The following IFT88 variants were observed in gnomAD, a reference collection of about 807,000 sequenced individuals.
IFT88 encodes intraflagellar transport protein 88 homolog.
Under a neutral mutation model 119.5 loss-of-function variants are expected in IFT88, and 74 were observed. The ratio of observed to expected loss-of-function variants is 0.62; its 90% CI spans 0.51 to 0.75. IFT88 has a LOEUF of 0.75. IFT88 is among the 30% of genes least tolerant of loss of function. The pLI is 0.00. For synonymous variants in IFT88, 279 were observed against 316.7 expected (o/e 0.88, Z 1.26); for missense variants, 961 against 977.7 (o/e 0.98, Z 0.23).
intron 2 of IFT88, among the ~76,000 whole-genome samples, chr13:20,576,222 AT>A (rs60239060): frequency 0.39 from 59,689 of 151,722 alleles, 13,628 homozygotes; most frequent in Non-Finnish European, 0.52. Context: ...AGATTATTAG[AT>A]TTTTTCCTAC....
intron 24 of IFT88, among the ~76,000 whole-genome samples, chr13:20,681,937 AG>A (rs1250049967): frequency 6.6e-6 from 1 of 152,256 alleles, no homozygotes; most frequent in Non-Finnish European, 1.5e-5. Flanking sequence ...CAGCACCTAC[AG>A]CTGGTTTAGA....
At position 20,641,443 on chromosome 13, in the gene IFT88, T is replaced by C. The variant is rs1241796904; in HGVS notation, c.1682+45T>C. On this transcript the variant is annotated intron_variant, in intron 18 of 25. Coordinates refer to ENST00000351808, the MANE Select transcript of IFT88 (RefSeq NM_006531.5). ...TAGGGACAGTTATTAATTCTCTCAATTGGTGATTGAAGATCAATTATTAAA... is the reference window on the plus strand; with the variant it reads ...TAGGGACAGTTATTAATTCTCTCAACTGGTGATTGAAGATCAATTATTAAA... 5 of 1,145,746 alleles carry C rather than the reference T, an allele frequency of 4.4e-6. No homozygotes were observed. In the East Asian group the frequency reaches 7.4e-5, roughly 17 times the overall value. The allele number at this position is 1,145,746 out of a possible 1,614,324, so 71.0% of individuals were successfully genotyped here.
intron 16 of IFT88, chr13:20,631,428 G>A (rs1566272477): frequency 4.4e-6 from 1 of 225,562 alleles, no homozygotes; most frequent in Non-Finnish European, 8.9e-6. Flanking sequence ...TGACATCTTA[G>A]GTTAAAAGAT....
At position 20,625,829 on chromosome 13, in the gene IFT88, A is replaced by C. The variant is rs371778743; in HGVS notation, c.1279A>C (p.Arg427=). The C allele has an allele frequency of 1.1e-4, 177 of 1,593,736 alleles. No homozygotes were observed. Among genetic ancestry groups the C allele is most frequent in the South Asian group, 3.6e-4 (31 of 86,938 alleles). Residue 427 remains arginine, a synonymous_variant, in exon 15 of 26, where the codon AGA becomes CGA. Transcript: ENST00000351808. ...LEINKAVTYL[R]QKDYNQAVEI... The stretch of plus-strand genomic sequence containing the variant: ...AATAAACAAAGCAGTTACATACTTG[A>C]GACAAAAAGACTATAACCAAGTAAG...
chr13:20,609,306 A>G (rs980012522), intron 13 of IFT88, among the ~76,000 whole-genome samples: 4 of 152,188 alleles, frequency 2.6e-5, no homozygotes, highest in Non-Finnish European at 5.9e-5. Flanking sequence ...AATCATGAAC[A>G]TTATCTCAAT....
At chr13:20,643,319 T>C in intron 18 of IFT88, 136 bp from the exon 19 acceptor site, 1 of 644,544 alleles carries the variant, frequency 1.6e-6, no homozygotes. Flanking sequence ...TCTCCACCCC[T>C]GAGATATCCA....
At chr13:20,638,903 G>A (rs1467359124) in intron 17 of IFT88, among the ~76,000 whole-genome samples, 1 of 152,144 alleles carries the variant, frequency 6.6e-6, no homozygotes, top group African/African-American at 2.4e-5. Context: ...ATGCACAAAA[G>A]TACACACAAG....
chr13:20,616,439 G>A (rs1307670339), intron 14 of IFT88, among the ~76,000 whole-genome samples: 1 of 152,102 alleles, frequency 6.6e-6, no homozygotes, highest in Admixed American at 6.5e-5. Flanking sequence ...TCTATGTTTA[G>A]ATAGATTTAG....
At chr13:20,612,579 T>G (rs1005285317) in intron 13 of IFT88, among the ~76,000 whole-genome samples, 19 of 152,276 alleles carry the variant, frequency 1.2e-4, no homozygotes, top group Admixed American at 9.8e-4. Context: ...AATGTACAGA[T>G]TCAGTGCCAC....
At chr13:20,674,947 T>C (rs1007212539) in intron 24 of IFT88, among the ~76,000 whole-genome samples, 7 of 151,826 alleles carry the variant, frequency 4.6e-5, no homozygotes, top group African/African-American at 1.7e-4. Context: ...TCTCCTGACC[T>C]CGTGATCCAC....
chr13:20,654,620 T>C (rs1204886762), intron 21 of IFT88, among the ~76,000 whole-genome samples: 1 of 152,182 alleles, frequency 6.6e-6, no homozygotes, highest in East Asian at 1.9e-4. Context: ...GTGTTGGCAG[T>C]TTGTTCTCAC....
Position 20,640,337 on chromosome 13 carries a change from G to A in IFT88, c.1574-953G>A, listed in dbSNP as rs533938017. Among the ~76,000 whole-genome samples the A allele has an allele frequency of 9.9e-5, 15 of 150,890 alleles. No individual in the cohort carries two copies. In the South Asian group the frequency reaches 3.2e-3, roughly 32 times the overall value. ...CCTGTAATCCCAGCACTTTGGGAGG[G>A]CCAAGGCAGGCGGATCATGAGGTCA... is the stretch of plus-strand genomic sequence containing the variant. On this transcript the variant is annotated intron_variant, in intron 17 of 25. Coordinates refer to ENST00000351808, the MANE Select transcript of IFT88 (RefSeq NM_006531.5).
At chr13:20,621,131 T>C (rs1307441022) in intron 14 of IFT88, among the ~76,000 whole-genome samples, 2 of 152,134 alleles carry the variant, frequency 1.3e-5, no homozygotes, top group East Asian at 3.8e-4. Context: ...AGTGGCGCAA[T>C]CTCTGCTCAC....
At chr13:20,573,362 G>C (rs1175804268) in intron 1 of IFT88, among the ~76,000 whole-genome samples, 1 of 151,998 alleles carries the variant, frequency 6.6e-6, no homozygotes, top group Non-Finnish European at 1.5e-5. Flanking sequence ...TTGAAACAAA[G>C]GCCAAATGGA....
At chr13:20,569,691 G>C (rs1019951704) in intron 1 of IFT88, among the ~76,000 whole-genome samples, 1 of 151,708 alleles carries the variant, frequency 6.6e-6, no homozygotes, top group East Asian at 1.9e-4. Context: ...TTAGTATCAG[G>C]AATATATACA....
intron 14 of IFT88, among the ~76,000 whole-genome samples, chr13:20,616,457 A>G (rs2045626637): frequency 6.6e-6 from 1 of 152,220 alleles, no homozygotes; most frequent in East Asian, 1.9e-4. Flanking sequence ...TAGATATACA[A>G]ATACTTACCA....
intron 1 of IFT88, chr13:20,567,952 G>A: frequency 1.4e-6 from 1 of 705,656 alleles, no homozygotes. Context: ...GGCCACATCG[G>A]AAGAAGAATT....
intron 13 of IFT88, among the ~76,000 whole-genome samples, chr13:20,611,514 CAAAAAAAAAAAAAAA>C (rs56062553): frequency 1.7e-5 from 1 of 59,074 alleles, no homozygotes; most frequent in Non-Finnish European, 2.9e-5. Context: ...GACCCAGTCT[CAAAAAAAAAAAAAAA>C]AAAAAAAAAA....
At chr13:20,586,939 T>A (rs1037144469) in intron 3 of IFT88, among the ~76,000 whole-genome samples, 1 of 152,194 alleles carries the variant, frequency 6.6e-6, no homozygotes, top group Non-Finnish European at 1.5e-5. Context: ...ATTTTCCTTA[T>A]GATTTAGTTC....
Sources: gnomAD v4.1 joint callset for allele counts (sites outside exome capture counted in the v4.1 genomes callset) on GRCh38, gnomAD v4.1.1 for gene constraint, MANE v1.5 for transcripts, NCBI Gene and HGNC (gene_info 2026-07-23, HGNC 2026-07-21) for gene names.